Variants in PREX2 observed in about 807,000 individuals in gnomAD.
The protein encoded by PREX2 is phosphatidylinositol 3,4,5-trisphosphate-dependent Rac exchanger 2 protein.
Under a neutral mutation model 203.2 loss-of-function variants are expected in PREX2, and 107 were observed. The ratio of observed to expected loss-of-function variants is 0.53; its 90% CI spans 0.45 to 0.62. The LOEUF is 0.62. Among genes scored for constraint, PREX2 ranks in the 20% least tolerant of loss-of-function variants. The probability of loss-of-function intolerance (pLI) is 0.00; values close to 1 mark genes in which losing one functional copy is unlikely to be tolerated. For synonymous variants in PREX2, 672 were observed against 663.6 expected (o/e 1.01, Z -0.19); for missense variants, 1,777 against 1,955.9 (o/e 0.91, Z 1.72).
chr8:68,221,640 A>G (rs1050387704), intron 38 of PREX2, among the ~76,000 whole-genome samples: 5 of 152,218 alleles, frequency 3.3e-5, no homozygotes, highest in Non-Finnish European at 7.3e-5. Context: ...GAGCAATGGC[A>G]ATATAAGCCA....
intron 21 of PREX2, chr8:68,094,951 T>C (rs1360548100): frequency 6.6e-6 from 1 of 152,246 alleles, no homozygotes; most frequent in Non-Finnish European, 1.5e-5. Context: ...TTGGGTTCAG[T>C]TATTTGCTAG....
At position 68,217,601 on chromosome 8, in the gene PREX2, T is replaced by C; in HGVS notation, c.4605-15T>C. ...GGAACCATGGGGTCTGACTTGCCCT[T>C]GCCTTGGCCCACAGGTGCACCCTGA... On this transcript the variant is annotated splice_polypyrimidine_tract_variant and intron_variant, in intron 37 of 39. Transcript: ENST00000288368. 1 of 1,610,814 alleles carries C rather than the reference T, an allele frequency of 6.2e-7. No homozygotes were observed. Among genetic ancestry groups the C allele is most frequent in the Non-Finnish European group, 8.5e-7 (1 of 1,177,078 alleles).
At chr8:68,016,545 G>A (rs1185982458) in intron 1 of PREX2, among the ~76,000 whole-genome samples, 2 of 152,042 alleles carry the variant, frequency 1.3e-5, no homozygotes, top group Non-Finnish European at 2.9e-5. Flanking sequence ...GAATCCCCTT[G>A]TTTGAATATT....
At chr8:67,954,091 C>A (rs1805428493) in intron 1 of PREX2, among the ~76,000 whole-genome samples, 1 of 152,202 alleles carries the variant, frequency 6.6e-6, no homozygotes, top group African/African-American at 2.4e-5. Context: ...ATCAGTTTTT[C>A]TTCTAATCTT....
chr8:68,078,948 A>G (rs898546491), intron 15 of PREX2, among the ~76,000 whole-genome samples: 2 of 152,252 alleles, frequency 1.3e-5, no homozygotes, highest in Admixed American at 6.5e-5. Flanking sequence ...TTTAAAAGAC[A>G]ATTTGGTGGA....
chr8:67,968,684 C>T (rs1181526972), intron 1 of PREX2, among the ~76,000 whole-genome samples: 3 of 152,122 alleles, frequency 2.0e-5, no homozygotes, highest in Non-Finnish European at 4.4e-5. Flanking sequence ...TGAAATCTTT[C>T]GCATCCACTT....
At chr8:68,034,824 G>T (rs1424083823) in intron 6 of PREX2, among the ~76,000 whole-genome samples, 2 of 152,104 alleles carry the variant, frequency 1.3e-5, no homozygotes, top group Non-Finnish European at 2.9e-5. Flanking sequence ...AGAGCTTAGT[G>T]CTGGGACTTG....
At chr8:68,117,448 T>G (rs1330494383) in intron 26 of PREX2, among the ~76,000 whole-genome samples, 1 of 152,204 alleles carries the variant, frequency 6.6e-6, no homozygotes, top group African/African-American at 2.4e-5. Flanking sequence ...TTTTATCACT[T>G]CATTTACTTT....
chr8:68,170,601 T>C (rs1291498163), intron 35 of PREX2, among the ~76,000 whole-genome samples: 1 of 152,204 alleles, frequency 6.6e-6, no homozygotes, highest in African/African-American at 2.4e-5. Context: ...TATAACCTCC[T>C]CCTGGGCCAA....
chr8:68,062,955 A>G (rs1808901866), intron 11 of PREX2, among the ~76,000 whole-genome samples: 1 of 152,118 alleles, frequency 6.6e-6, no homozygotes, highest in African/African-American at 2.4e-5. Flanking sequence ...CTCAATAAAT[A>G]TTTGCTGAAT....
chr8:68,210,844 G>A (rs576267143), intron 37 of PREX2, among the ~76,000 whole-genome samples: 31 of 152,250 alleles, frequency 2.0e-4, no homozygotes, highest in African/African-American at 6.7e-4. Context: ...TAGAAATGTT[G>A]AGTCATCTTA....
intron 34 of PREX2, among the ~76,000 whole-genome samples, chr8:68,148,862 T>G (rs1379741990): frequency 6.6e-6 from 1 of 152,188 alleles, no homozygotes; most frequent in Non-Finnish European, 1.5e-5. Context: ...TTCTTCTGCC[T>G]TTATAAAACT....
chr8:68,096,572 A>G lies in PREX2; in HGVS notation c.2369-445A>G, dbSNP rs545318521. Among the ~76,000 whole-genome samples the G allele has an allele frequency of 2.6e-5, 4 of 152,292 alleles. No homozygotes were observed. In the South Asian group the frequency reaches 8.3e-4, roughly 32 times the overall value. ...AACTGCAGGCACCCTGTCTGCCAAA[A>G]TAAAATGATTCTTGCATCTCCTTTC... On this transcript the variant is annotated intron_variant, in intron 21 of 39. Transcript: ENST00000288368.
At chr8:68,036,890 AT>A (rs1480269672) in intron 6 of PREX2, among the ~76,000 whole-genome samples, 24 of 152,210 alleles carry the variant, frequency 1.6e-4, no homozygotes, top group African/African-American at 4.6e-4. Context: ...TGGCGAGCCA[AT>A]ATCGTGCCAT....
chr8:68,225,760 T>G (rs1234760568), intron 39 of PREX2, among the ~76,000 whole-genome samples: 1 of 152,222 alleles, frequency 6.6e-6, no homozygotes, highest in Admixed American at 6.5e-5. Context: ...CTTTCACAGT[T>G]GATTAGGTTA....
At chr8:67,987,163 A>G (rs1315611831) in intron 1 of PREX2, among the ~76,000 whole-genome samples, 2 of 126,352 alleles carry the variant, frequency 1.6e-5, no homozygotes, top group Non-Finnish European at 3.4e-5. Context: ...AAAAAAAAAA[A>G]AAAAAAAAAA....
chr8:68,089,789 T>G (rs1373458253), intron 19 of PREX2, among the ~76,000 whole-genome samples: 3 of 152,248 alleles, frequency 2.0e-5, no homozygotes, highest in African/African-American at 2.4e-5. Context: ...TCCTCTAATA[T>G]ATTTACAAGT....
At chr8:68,110,989 G>A in intron 25 of PREX2, 2 of 414,990 alleles carry the variant, frequency 4.8e-6, no homozygotes, top group South Asian at 1.8e-5. Context: ...TTAAGCAATT[G>A]CATGACATCT....
At chr8:68,115,083 A>C (rs1213752960) in intron 25 of PREX2, among the ~76,000 whole-genome samples, 1 of 132,680 alleles carries the variant, frequency 7.5e-6, no homozygotes, top group Admixed American at 8.9e-5. Context: ...GCTGGAGTAC[A>C]ATGGCACGAT....
Sources: gnomAD v4.1 joint callset for allele counts (sites outside exome capture counted in the v4.1 genomes callset) on GRCh38, gnomAD v4.1.1 for gene constraint, MANE v1.5 for transcripts, NCBI Gene and HGNC (gene_info 2026-07-23, HGNC 2026-07-21) for gene names.